SLC44A5: variants seen among roughly 807,000 people sequenced by gnomAD.
SLC44A5 encodes the protein solute carrier family 44 member 5, also known as choline transporter-like protein 5.
SLC44A5 carries 57 observed loss-of-function variants against 101.8 expected under a neutral mutation model. That is an observed-to-expected ratio of 0.56 (90% CI 0.45 to 0.70). SLC44A5 has a LOEUF of 0.70. Ranked by LOEUF, SLC44A5 falls within the 30% of genes least tolerant of loss-of-function variation. SLC44A5 has a pLI of 0.00. For missense variants in SLC44A5, 737 were observed against 853.1 expected (o/e 0.86, Z 1.70); for synonymous variants, 281 against 290.9 (o/e 0.97, Z 0.35).
intron 1 of SLC44A5, among the ~76,000 whole-genome samples, chr1:75,548,761 G>T (rs552990443): frequency 6.6e-6 from 1 of 152,098 alleles, no homozygotes; most frequent in Admixed American, 6.6e-5. Flanking sequence ...GGACCTTGGT[G>T]GTCATATTCA....
At chr1:75,533,967 A>T (rs7548810) in intron 2 of SLC44A5, among the ~76,000 whole-genome samples, 3,738 of 152,228 alleles carry the variant, frequency 0.025, 164 homozygotes, top group African/African-American at 0.086. Flanking sequence ...CAAAAGTCAT[A>T]AAAAAAGCAG....
the SLC44A5 span, among the ~76,000 whole-genome samples, chr1:75,722,921 C>T: frequency 1.3e-5 from 2 of 152,188 alleles, no homozygotes; most frequent in East Asian, 3.8e-4. Flanking sequence ...CTCTTAGCTG[C>T]CACATTTTAG....
chr1:75,525,655 T>C (rs1394495337), intron 2 of SLC44A5, among the ~76,000 whole-genome samples: 1 of 152,230 alleles, frequency 6.6e-6, no homozygotes, highest in African/African-American at 2.4e-5. Context: ...ATGTCATCTT[T>C]AGATAATTGG....
At chr1:75,452,332 T>C (rs966424403) in intron 2 of SLC44A5, among the ~76,000 whole-genome samples, 3 of 152,086 alleles carry the variant, frequency 2.0e-5, no homozygotes, top group Admixed American at 2.0e-4. Flanking sequence ...ATAAAATCTT[T>C]TCCAGACAAG....
At chr1:75,233,126 T>A (rs999760936) in intron 12 of SLC44A5, among the ~76,000 whole-genome samples, 1 of 152,136 alleles carries the variant, frequency 6.6e-6, no homozygotes, top group Non-Finnish European at 1.5e-5. Context: ...ACACTTTAAT[T>A]CATATGTAGA....
chr1:75,689,367 A>C, the SLC44A5 span, among the ~76,000 whole-genome samples: 1 of 152,168 alleles, frequency 6.6e-6, no homozygotes, highest in African/African-American at 2.4e-5. Context: ...GGTACATCCC[A>C]AGCCTAGGAA....
chr1:75,507,174 G>A (rs1669307877), intron 2 of SLC44A5, among the ~76,000 whole-genome samples: 1 of 152,034 alleles, frequency 6.6e-6, no homozygotes, highest in Non-Finnish European at 1.5e-5. Context: ...GTATGATGTT[G>A]GCAATGGGTT....
intron 1 of SLC44A5, among the ~76,000 whole-genome samples, chr1:75,567,228 C>T (rs1265120736): frequency 2.0e-5 from 3 of 151,838 alleles, no homozygotes; most frequent in African/African-American, 2.4e-5. Context: ...AAAACTAAAT[C>T]TGAAACAGAA....
chr1:75,263,509 G>A (rs1650716122), intron 6 of SLC44A5, among the ~76,000 whole-genome samples: 1 of 152,156 alleles, frequency 6.6e-6, no homozygotes, highest in South Asian at 2.1e-4. Context: ...TGGAGAAATA[G>A]GAATGCTTTT....
intron 2 of SLC44A5, among the ~76,000 whole-genome samples, chr1:75,534,279 A>C (rs75726608): frequency 0.14 from 21,199 of 152,178 alleles, 1,829 homozygotes; most frequent in Admixed American, 0.22. Context: ...TTATGTAAAA[A>C]AGAAAAAAAA....
At chr1:75,674,694 T>C in the SLC44A5 span, among the ~76,000 whole-genome samples, 1 of 151,436 alleles carries the variant, frequency 6.6e-6, no homozygotes, top group African/African-American at 2.4e-5. Flanking sequence ...AAAAAATAAT[T>C]TTAAAAAATG....
intron 1 of SLC44A5, among the ~76,000 whole-genome samples, chr1:75,602,480 T>C (rs1267389123): frequency 6.6e-6 from 1 of 152,162 alleles, no homozygotes; most frequent in African/African-American, 2.4e-5. Flanking sequence ...AGCTGTGCTT[T>C]ATAATTTCAA....
chr1:75,247,883 T>G (rs989788014), intron 7 of SLC44A5, among the ~76,000 whole-genome samples: 2 of 151,738 alleles, frequency 1.3e-5, no homozygotes, highest in African/African-American at 4.8e-5. Context: ...AGGATTTAGA[T>G]AGATAAATGT....
intron 1 of SLC44A5, among the ~76,000 whole-genome samples, chr1:75,566,195 A>C (rs1672776044): frequency 6.6e-6 from 1 of 152,242 alleles, no homozygotes; most frequent in Non-Finnish European, 1.5e-5. Flanking sequence ...ATATAAAATT[A>C]AAAAGAAGAC....
At chr1:75,218,034 C>A in intron 17 of SLC44A5, 74 bp from the exon 18 acceptor site, 1 of 1,017,166 alleles carries the variant, frequency 9.8e-7, no homozygotes. Context: ...GAATAATTTT[C>A]ACAAGTAAAA....
intron 4 of SLC44A5, among the ~76,000 whole-genome samples, chr1:75,328,021 T>C (rs1027206076): frequency 3.3e-5 from 5 of 152,156 alleles, no homozygotes; most frequent in Non-Finnish European, 5.9e-5. Context: ...TAGTTCACCA[T>C]CTCCAGGCTG....
chr1:75,308,886 G>A (rs977394241), intron 4 of SLC44A5, among the ~76,000 whole-genome samples: 2 of 152,062 alleles, frequency 1.3e-5, no homozygotes, highest in Admixed American at 1.3e-4. Context: ...ATCTTTTTTA[G>A]TAATTAAAAG....
At position 75,277,824 on chromosome 1, in the gene SLC44A5, G is replaced by C. The variant is rs147969869; in HGVS notation, c.176-2782C>G. Among the ~76,000 whole-genome samples the C allele has an allele frequency of 5.2e-3, 789 of 152,204 alleles. 9 individuals are homozygous for C. Among genetic ancestry groups the C allele is most frequent in the African/African-American group, 0.018 (743 of 41,510 alleles). ...TGTGGCAGGTGGTTGTGTTTACTGA[G>C]CTGCTGCTACACCTCTCCACACAGC... On this transcript the variant is annotated intron_variant, in intron 5 of 23. Coordinates refer to ENST00000370859, the MANE Select transcript of SLC44A5 (RefSeq NM_001130058.2).
At chr1:75,533,794 A>G (rs543736089) in intron 2 of SLC44A5, among the ~76,000 whole-genome samples, 9 of 152,318 alleles carry the variant, frequency 5.9e-5, no homozygotes, top group African/African-American at 1.9e-4. Context: ...TTTCTTTTAG[A>G]GAGCTTCTCT....
Sources: allele counts gnomAD v4.1 joint callset (sites outside exome capture counted in the v4.1 genomes callset), GRCh38; gene constraint gnomAD v4.1.1; transcripts MANE v1.5; gene names NCBI Gene and HGNC (gene_info 2026-07-23, HGNC 2026-07-21).